Variants in SAMD8 observed in about 807,000 individuals in gnomAD.
SAMD8 encodes the protein sterile alpha motif domain containing 8.
In SAMD8, 20 loss-of-function variants were observed where a neutral mutation model predicts 42.0. The observed-to-expected ratio is 0.48, with a 90% confidence interval of 0.34 to 0.69. The LOEUF is 0.69. Ranked by LOEUF, SAMD8 falls within the 30% of genes least tolerant of loss-of-function variation. The probability of loss-of-function intolerance (pLI) is 0.01; values close to 1 mark genes in which losing one functional copy is unlikely to be tolerated. For missense variants in SAMD8, 328 were observed against 511.6 expected (o/e 0.64, Z 3.46); for synonymous variants, 162 against 173.0 (o/e 0.94, Z 0.50).
At chr10:75,164,350 G>C (rs935540761) in intron 2 of SAMD8, 2 of 180,432 alleles carry the variant, frequency 1.1e-5, no homozygotes, top group African/African-American at 2.4e-5. Flanking sequence ...ATCCAGATCT[G>C]CTGTGCTATA....
chr10:75,133,561 C>T (rs1314371141), intron 1 of SAMD8, among the ~76,000 whole-genome samples: 1 of 152,188 alleles, frequency 6.6e-6, no homozygotes, highest in Non-Finnish European at 1.5e-5. Context: ...ACCTAAGTGT[C>T]CGTCTACAGA....
intron 1 of SAMD8, among the ~76,000 whole-genome samples, chr10:75,120,177 A>G (rs1362853768): frequency 2.0e-5 from 3 of 152,250 alleles, no homozygotes; most frequent in Admixed American, 6.5e-5. Flanking sequence ...TTTAGTGCCT[A>G]TCACTTTAGG....
At chr10:75,136,665 A>G (rs1839893896) in intron 1 of SAMD8, among the ~76,000 whole-genome samples, 1 of 152,206 alleles carries the variant, frequency 6.6e-6, no homozygotes, top group African/African-American at 2.4e-5. Context: ...TACCTTTGCT[A>G]CAGTCAGAAG....
chr10:75,119,913 A>G (rs1848966284), intron 1 of SAMD8, among the ~76,000 whole-genome samples: 1 of 152,102 alleles, frequency 6.6e-6, no homozygotes, highest in African/African-American at 2.4e-5. Context: ...TAAAAATACA[A>G]AAAAATTAGC....
intron 2 of SAMD8, among the ~76,000 whole-genome samples, chr10:75,158,300 A>G (rs1436268031): frequency 3.3e-5 from 5 of 152,124 alleles, no homozygotes; most frequent in African/African-American, 1.2e-4. Flanking sequence ...TTATTATTTT[A>G]AAGTATACAG....
chr10:75,105,923 G>C lies in SAMD8; in HGVS notation c.-16+6195G>C. On this transcript the variant is annotated intron_variant, in intron 1 of 3. Transcript: ENST00000447533. ...GTCCCACACACCGGCCCACCCACGG[G>C]CTGGGATGGGGACCCAAGTTCCTTT... is the stretch of plus-strand genomic sequence containing the variant. 2.0e-6 allele frequency: 3 copies of C among 1,504,768 alleles called. 1 individual carries two copies. In the South Asian group the frequency reaches 3.7e-5, roughly 18 times the overall value. 93.2% of individuals were successfully genotyped at this position (1,504,768 alleles called of 1,614,324 possible).
intron 1 of SAMD8, among the ~76,000 whole-genome samples, chr10:75,129,305 A>T (rs1166324292): frequency 2.0e-5 from 3 of 151,948 alleles, no homozygotes; most frequent in Non-Finnish European, 4.4e-5. Context: ...CAGTGGCATG[A>T]TCTCGGCTCA....
At chr10:75,118,222 A>C (rs1848928880) in intron 1 of SAMD8, among the ~76,000 whole-genome samples, 1 of 152,236 alleles carries the variant, frequency 6.6e-6, no homozygotes. Context: ...GGGACATAAC[A>C]AAACAGAAAA....
intron 1 of SAMD8, among the ~76,000 whole-genome samples, chr10:75,113,952 G>A (rs1013260363): frequency 2.6e-5 from 4 of 152,196 alleles, no homozygotes; most frequent in Admixed American, 2.6e-4. Flanking sequence ...GAAACTGTTA[G>A]ATGGAGTTGT....
intron 2 of SAMD8, among the ~76,000 whole-genome samples, chr10:75,159,984 GA>G (rs1228464412): frequency 6.6e-6 from 1 of 152,116 alleles, no homozygotes; most frequent in Non-Finnish European, 1.5e-5. Flanking sequence ...AATGTTTCTA[GA>G]AGCAGGCCCA....
At chr10:75,114,386 G>A (rs1038214017) in intron 1 of SAMD8, among the ~76,000 whole-genome samples, 1 of 151,606 alleles carries the variant, frequency 6.6e-6, no homozygotes, top group African/African-American at 2.4e-5. Flanking sequence ...TCATGACTGC[G>A]ATGGCAGAAT....
chr10:75,167,835 C>T (rs1249100213), intron 3 of SAMD8, among the ~76,000 whole-genome samples: 1 of 152,090 alleles, frequency 6.6e-6, no homozygotes, highest in Non-Finnish European at 1.5e-5. Flanking sequence ...TCAAGCAATC[C>T]TCCCACCTTG....
intron 1 of SAMD8, among the ~76,000 whole-genome samples, chr10:75,146,349 A>T (rs1840134684): frequency 7.5e-6 from 1 of 133,174 alleles, no homozygotes. Context: ...CAATGGCACG[A>T]TCTCAACTCA....
chr10:75,109,110 C>T (rs760977554), upstream of SAMD8: 10 of 1,611,688 alleles, frequency 6.2e-6, no homozygotes, highest in East Asian at 1.3e-4. Context: ...TGGGGCAAGG[C>T]GTGGCTTTGT....
At chr10:75,102,480 A>G (rs1848231122) in intron 1 of SAMD8, among the ~76,000 whole-genome samples, 1 of 152,140 alleles carries the variant, frequency 6.6e-6, no homozygotes, top group Admixed American at 6.5e-5. Flanking sequence ...AAAAAAAGAG[A>G]TAGTGGGAGA....
chr10:75,115,558 A>G (rs1285825723), intron 1 of SAMD8, among the ~76,000 whole-genome samples: 1 of 152,184 alleles, frequency 6.6e-6, no homozygotes, highest in Non-Finnish European at 1.5e-5. Flanking sequence ...TACCATCATC[A>G]CAGATCTGAA....
At chr10:75,157,542 G>A (rs1012680104) in intron 2 of SAMD8, among the ~76,000 whole-genome samples, 3 of 152,160 alleles carry the variant, frequency 2.0e-5, no homozygotes, top group East Asian at 1.9e-4. Context: ...TCTCCTGATT[G>A]TTTTTATTTT....
At chr10:75,164,872 A>C (rs989637785) in intron 3 of SAMD8, 132 bp downstream of exon 3, 1 of 681,182 alleles carries the variant, frequency 1.5e-6, no homozygotes, top group African/African-American at 1.8e-5. Context: ...TTATTAACAA[A>C]GGATTTTGAG....
At chr10:75,161,067 CA>C (rs562738002) in intron 2 of SAMD8, among the ~76,000 whole-genome samples, 15 of 148,584 alleles carry the variant, frequency 1.0e-4, no homozygotes, top group African/African-American at 2.7e-4. Flanking sequence ...GACCCTGTCT[CA>C]AAAAAAAAAT....
Sources: gnomAD v4.1 joint callset for allele counts (sites outside exome capture counted in the v4.1 genomes callset) on GRCh38, gnomAD v4.1.1 for gene constraint, MANE v1.5 for transcripts, NCBI Gene and HGNC (gene_info 2026-07-23, HGNC 2026-07-21) for gene names.